The following FHIP1A variants were observed in gnomAD, a reference collection of about 807,000 sequenced individuals.
FHIP1A encodes the protein FHF complex subunit HOOK-interacting protein 1A.
Under a neutral mutation model 88.6 loss-of-function variants are expected in FHIP1A, and 61 were observed. The ratio of observed to expected loss-of-function variants is 0.69; its 90% CI spans 0.56 to 0.85. The LOEUF is 0.85. Ranked by LOEUF, FHIP1A falls within the 40% of genes least tolerant of loss-of-function variation. The pLI is 0.00. For synonymous variants in FHIP1A, 478 were observed against 496.0 expected (o/e 0.96, Z 0.48); for missense variants, 1,154 against 1,273.5 (o/e 0.91, Z 1.43).
chr4:151,634,681 G>A (rs1218965016), intron 8 of FHIP1A, among the ~76,000 whole-genome samples: 2 of 151,700 alleles, frequency 1.3e-5, no homozygotes, highest in Admixed American at 1.3e-4. Context: ...AAATGGTAAT[G>A]GTAAAACTGG....
At chr4:151,555,122 C>T (rs1732897103) in intron 3 of FHIP1A, among the ~76,000 whole-genome samples, 1 of 152,056 alleles carries the variant, frequency 6.6e-6, no homozygotes, top group South Asian at 2.1e-4. Context: ...GTTTGATTCC[C>T]CCAGAGGCGT....
intron 2 of FHIP1A, among the ~76,000 whole-genome samples, chr4:151,465,331 G>A (rs529299711): frequency 7.2e-5 from 11 of 152,144 alleles, no homozygotes; most frequent in Middle Eastern, 3.4e-3. Flanking sequence ...CAGCGAGATC[G>A]AATCCCTGAA....
chr4:151,659,194 T>TC (rs1468699003), intron 13 of FHIP1A, among the ~76,000 whole-genome samples: 2 of 152,214 alleles, frequency 1.3e-5, no homozygotes, highest in African/African-American at 4.8e-5. Flanking sequence ...GTAAGAATCT[T>TC]CTCTCTGGAT....
Position 151,664,290 on chromosome 4 carries a change from G to A in FHIP1A, c.*1536G>A, listed in dbSNP as rs2126937102. On this transcript the variant is annotated 3_prime_UTR_variant, in exon 14 of 14. Coordinates refer to ENST00000435205, the MANE Select transcript of FHIP1A (RefSeq NM_001109977.3). ...GCCTTTCATGCACAGGCAGGGCAGTGGCGGAAGAACCACACCTGCAATGCT... is the reference window on the plus strand; with the variant it reads ...GCCTTTCATGCACAGGCAGGGCAGTAGCGGAAGAACCACACCTGCAATGCT... Among the ~76,000 whole-genome samples, 1 of 152,302 alleles carries A rather than the reference G, an allele frequency of 6.6e-6. No homozygotes were observed. Among genetic ancestry groups the A allele is most frequent in the Non-Finnish European group, 1.5e-5 (1 of 68,032 alleles).
chr4:151,414,894 A>G (rs1042041416), intron 1 of FHIP1A, among the ~76,000 whole-genome samples: 2 of 152,208 alleles, frequency 1.3e-5, no homozygotes, highest in Non-Finnish European at 2.9e-5. Context: ...TCTAAACAAT[A>G]TAGAAATATA....
intron 8 of FHIP1A, among the ~76,000 whole-genome samples, chr4:151,638,348 T>C (rs2126890446): frequency 6.6e-6 from 1 of 151,818 alleles, no homozygotes; most frequent in African/African-American, 2.4e-5. Flanking sequence ...TGTGTGTGTA[T>C]GTGAGAGAGA....
Position 151,667,678 on chromosome 4 carries a change from C to T in FHIP1A, c.*4924C>T, listed in dbSNP as rs755799824. Among the ~76,000 whole-genome samples the T allele has an allele frequency of 2.6e-5, 4 of 152,164 alleles. No individual in the cohort carries two copies. Among genetic ancestry groups the T allele is most frequent in the Admixed American group, 6.5e-5 (1 of 15,282 alleles). On this transcript the variant is annotated 3_prime_UTR_variant, in exon 14 of 14. Transcript: ENST00000435205. ...ACCTCTTGCACGTAGAATCCTAAAA[C>T]TGATCATGATTTTAGCTAGGACTGA...
At chr4:151,562,474 C>T (rs1379451938) in intron 3 of FHIP1A, among the ~76,000 whole-genome samples, 1 of 152,174 alleles carries the variant, frequency 6.6e-6, no homozygotes, top group East Asian at 1.9e-4. Flanking sequence ...TTCAAATTAT[C>T]CATGTTCATT....
At chr4:151,653,157 A>T (rs1737093373) in intron 11 of FHIP1A, among the ~76,000 whole-genome samples, 1 of 152,182 alleles carries the variant, frequency 6.6e-6, no homozygotes, top group South Asian at 2.1e-4. Context: ...ACATACAGGG[A>T]TGTTCATTGC....
intron 8 of FHIP1A, among the ~76,000 whole-genome samples, chr4:151,635,622 A>C (rs1026752198): frequency 1.2e-4 from 18 of 152,092 alleles, no homozygotes; most frequent in African/African-American, 3.1e-4. Context: ...AAGTGAAGTA[A>C]GCCAGTCACA....
intron 2 of FHIP1A, among the ~76,000 whole-genome samples, chr4:151,474,113 G>T (rs908058473): frequency 6.6e-6 from 1 of 152,174 alleles, no homozygotes; most frequent in Non-Finnish European, 1.5e-5. Context: ...TATTTAGAAG[G>T]TTATGAGCAA....
chr4:151,413,636 G>A (rs754336090), intron 1 of FHIP1A, among the ~76,000 whole-genome samples: 21 of 151,898 alleles, frequency 1.4e-4, no homozygotes, highest in Admixed American at 2.6e-4. Context: ...TGTATTTTTA[G>A]TGGAGATAGG....
rs1737722620 is a variant in FHIP1A at position 151,667,925 on chromosome 4, GGA to G, written c.*5172_*5173del. Among the ~76,000 whole-genome samples, 1 of 152,190 alleles carries G rather than the reference GGA, an allele frequency of 6.6e-6. No individual in the cohort carries two copies. Among genetic ancestry groups the G allele is most frequent in the South Asian group, 2.1e-4 (1 of 4,832 alleles). On this transcript the variant is annotated 3_prime_UTR_variant, in exon 14 of 14. Coordinates refer to ENST00000435205, the MANE Select transcript of FHIP1A (RefSeq NM_001109977.3). The stretch of plus-strand genomic sequence containing the variant: ...GCTCTTAGGCCAGATTAAATTTCAT[GGA>G]ACGGAGGCTGCAGAAGTCTGTGCTG...
intron 4 of FHIP1A, among the ~76,000 whole-genome samples, chr4:151,570,210 C>A (rs1733545462): frequency 6.6e-6 from 1 of 152,160 alleles, no homozygotes; most frequent in Non-Finnish European, 1.5e-5. Flanking sequence ...GGGTTCCTAG[C>A]CACCCCCTCT....
chr4:151,548,188 C>G (rs1262068719), intron 3 of FHIP1A, among the ~76,000 whole-genome samples: 1 of 152,084 alleles, frequency 6.6e-6, no homozygotes, highest in Non-Finnish European at 1.5e-5. Context: ...CAGGTTCATG[C>G]CAGCACCAGC....
At chr4:151,501,612 C>A (rs1730650942) in intron 3 of FHIP1A, among the ~76,000 whole-genome samples, 1 of 149,890 alleles carries the variant, frequency 6.7e-6, no homozygotes, top group Non-Finnish European at 1.5e-5. Context: ...AAATTATGGC[C>A]ATTGTAGTGG....
intron 9 of FHIP1A, among the ~76,000 whole-genome samples, chr4:151,644,744 C>A (rs1361201248): frequency 6.6e-6 from 1 of 152,146 alleles, no homozygotes; most frequent in African/African-American, 2.4e-5. Flanking sequence ...CTGCTCTGAT[C>A]CCTTTTGTTG....
chr4:151,443,371 G>C (rs953826520), intron 1 of FHIP1A, among the ~76,000 whole-genome samples: 1 of 152,064 alleles, frequency 6.6e-6, no homozygotes, highest in Non-Finnish European at 1.5e-5. Context: ...AGGCTGGATC[G>C]CAATGGTGTG....
At chr4:151,476,277 G>A (rs1221436014) in intron 2 of FHIP1A, among the ~76,000 whole-genome samples, 3 of 151,688 alleles carry the variant, frequency 2.0e-5, no homozygotes, top group Non-Finnish European at 4.4e-5. Context: ...GAGTAGCTGG[G>A]ATTACAGGTG....
Sources: allele counts gnomAD v4.1 joint callset (sites outside exome capture counted in the v4.1 genomes callset), GRCh38; gene constraint gnomAD v4.1.1; transcripts MANE v1.5; gene names NCBI Gene and HGNC (gene_info 2026-07-23, HGNC 2026-07-21).